WDR72: variants seen among roughly 807,000 people sequenced by gnomAD.
The protein encoded by WDR72 is WD repeat domain 72.
Under a neutral mutation model 124.2 loss-of-function variants are expected in WDR72, and 120 were observed. The ratio of observed to expected loss-of-function variants is 0.97; its 90% CI spans 0.83 to 1.12. The LOEUF is 1.12. Ranked by LOEUF, WDR72 falls within the 50% of genes most tolerant of loss-of-function variation. The probability of loss-of-function intolerance (pLI) is 0.00; values close to 1 mark genes in which losing one functional copy is unlikely to be tolerated. For missense variants in WDR72, 1,387 were observed against 1,278.8 expected (o/e 1.08, Z -1.29); for synonymous variants, 452 against 441.7 (o/e 1.02, Z -0.29).
At chr15:53,600,033 T>C (rs993230557) in intron 17 of WDR72, among the ~76,000 whole-genome samples, 1 of 152,076 alleles carries the variant, frequency 6.6e-6, no homozygotes, top group Non-Finnish European at 1.5e-5. Context: ...GGCATCCAAC[T>C]GGAAAGAAAC....
At chr15:53,664,089 T>C (rs1414652231) in intron 14 of WDR72, among the ~76,000 whole-genome samples, 1 of 152,048 alleles carries the variant, frequency 6.6e-6, no homozygotes, top group African/African-American at 2.4e-5. Flanking sequence ...AATTCAGAAA[T>C]GTTTCCATGC....
chr15:53,545,510 A>G (rs1269074087), intron 18 of WDR72, among the ~76,000 whole-genome samples: 1 of 151,468 alleles, frequency 6.6e-6, no homozygotes. Flanking sequence ...ACAAAAATCA[A>G]TTCAAGATGG....
intron 14 of WDR72, among the ~76,000 whole-genome samples, chr15:53,639,852 C>G (rs1022074037): frequency 6.6e-6 from 1 of 151,994 alleles, no homozygotes; most frequent in Non-Finnish European, 1.5e-5. Context: ...ATCTTGCCTT[C>G]CTTGGAGTTC....
Position 53,615,929 on chromosome 15 carries a change from G to T in WDR72, c.2277C>A (p.Phe759Leu), listed in dbSNP as rs755748924. 1.2e-6 allele frequency: 2 copies of T among 1,613,344 alleles called. No individual in the cohort carries two copies. Among genetic ancestry groups the T allele is most frequent in the Non-Finnish European group, 1.7e-6 (2 of 1,179,640 alleles). The change falls in exon 15 of 20, where the codon TTC becomes TTA. Residue 759 changes from phenylalanine (F) to leucine (L), a missense_variant. Physicochemically the swap from Phe to Leu is conservative, Grantham distance 22. Transcript: ENST00000360509. ...SLAQGDNTIKFSEENDGIKRQ... is the reference protein window; with the variant it reads ...SLAQGDNTIKLSEENDGIKRQ... ...TTTTAATGCCATCATTTTCTTCTGA[G>T]AATTTGATGGTATTATCTCCTTGGG...
At chr15:53,692,952 C>G (rs2016888405) in intron 13 of WDR72, among the ~76,000 whole-genome samples, 1 of 152,136 alleles carries the variant, frequency 6.6e-6, no homozygotes, top group African/African-American at 2.4e-5. Flanking sequence ...AGGGTTCCAT[C>G]TGTAATCTAC....
At chr15:53,564,603 T>C (rs1049103523) in intron 18 of WDR72, among the ~76,000 whole-genome samples, 5 of 151,928 alleles carry the variant, frequency 3.3e-5, no homozygotes. Context: ...CTTCAGGTTC[T>C]GTGTCTAAAT....
intron 14 of WDR72, among the ~76,000 whole-genome samples, chr15:53,643,745 C>A (rs768319379): frequency 7.6e-6 from 1 of 131,022 alleles, no homozygotes; most frequent in Non-Finnish European, 1.5e-5. Context: ...TGTGTGTGTG[C>A]GTGTGTGTGT....
intron 14 of WDR72, among the ~76,000 whole-genome samples, chr15:53,659,702 T>TA (rs10717894): frequency 8.8e-4 from 129 of 145,896 alleles, no homozygotes; most frequent in Admixed American, 2.4e-3. Flanking sequence ...AAGGCAGTTA[T>TA]AAAAAAAAAA....
chr15:53,599,551 T>G (rs529310049), intron 17 of WDR72, among the ~76,000 whole-genome samples: 1 of 152,278 alleles, frequency 6.6e-6, no homozygotes, highest in East Asian at 1.9e-4. Context: ...AAATTGCTCT[T>G]TCTATACTCA....
At chr15:53,685,167 A>G (rs1368978380) in intron 13 of WDR72, among the ~76,000 whole-genome samples, 2 of 148,956 alleles carry the variant, frequency 1.3e-5, no homozygotes, top group Non-Finnish European at 3.0e-5. Flanking sequence ...TCCTCCTCCA[A>G]AGGAACGCAG....
rs371446286 is a variant in WDR72 at position 53,555,267 on chromosome 15, A to T, written c.3149-31945T>A. 4.6e-5 allele frequency among the ~76,000 whole-genome samples: 7 copies of T among 151,908 alleles called. No individual in the cohort carries two copies. The East Asian group carries it at 9.7e-4, about 21-fold the overall frequency. Reference sequence around the variant, plus strand: ...GGAAGGGTAAGGAAACTGTGCACCAACTCAGGAAGTGCACGTGCACTTCAC... The same window carrying T: ...GGAAGGGTAAGGAAACTGTGCACCATCTCAGGAAGTGCACGTGCACTTCAC... On this transcript the variant is annotated intron_variant, in intron 18 of 19. Coordinates refer to ENST00000360509, the MANE Select transcript of WDR72 (RefSeq NM_182758.4).
chr15:53,658,364 G>A lies in WDR72; in HGVS notation c.1962+7208C>T, dbSNP rs1467146536. On this transcript the variant is annotated intron_variant, in intron 14 of 19. Coordinates refer to ENST00000360509, the MANE Select transcript of WDR72 (RefSeq NM_182758.4). ...CTGTGTGTAGTTATTGTAATTAACA[G>A]ATTCAATATCTATTACAGCCAGTCA... Among the ~76,000 whole-genome samples the A allele has an allele frequency of 2.0e-5, 3 of 152,110 alleles. No individual in the cohort carries two copies. In the East Asian group the frequency reaches 5.8e-4, roughly 29 times the overall value.
intron 19 of WDR72, 84 bp from the exon 20 acceptor site, chr15:53,517,838 G>C: frequency 2.7e-5 from 35 of 1,274,724 alleles, no homozygotes; most frequent in Non-Finnish European, 3.4e-5. Context: ...GGGAGGGAGA[G>C]AGGAAATGAA....
At chr15:53,759,399 G>A (rs1235308962) in intron 1 of WDR72, 1 of 151,724 alleles carries the variant, frequency 6.6e-6, no homozygotes, top group African/African-American at 2.4e-5. Flanking sequence ...AGAGTTTGAA[G>A]AGGGACTTTT....
At chr15:53,603,702 A>G (rs2013146583) in intron 17 of WDR72, among the ~76,000 whole-genome samples, 1 of 152,162 alleles carries the variant, frequency 6.6e-6, no homozygotes, top group Non-Finnish European at 1.5e-5. Flanking sequence ...TCAAGCTGAG[A>G]GCTAAATCAC....
intron 1 of WDR72, among the ~76,000 whole-genome samples, chr15:53,741,151 G>A (rs929774277): frequency 2.0e-5 from 3 of 152,102 alleles, no homozygotes; most frequent in African/African-American, 7.2e-5. Context: ...AGTTTCACAG[G>A]ATATAGTTCT....
chr15:53,641,083 T>C (rs1475221420), intron 14 of WDR72, among the ~76,000 whole-genome samples: 2 of 152,058 alleles, frequency 1.3e-5, no homozygotes, highest in African/African-American at 4.8e-5. Flanking sequence ...TATTTTCCTT[T>C]AGTAATTTAT....
At chr15:53,676,527 G>A (rs2016178351) in intron 13 of WDR72, among the ~76,000 whole-genome samples, 1 of 152,324 alleles carries the variant, frequency 6.6e-6, no homozygotes, top group East Asian at 1.9e-4. Context: ...TAAAGGTCAG[G>A]GAGTGGCCTT....
intron 14 of WDR72, among the ~76,000 whole-genome samples, chr15:53,650,588 A>C (rs147022336): frequency 6.6e-5 from 10 of 152,136 alleles, no homozygotes; most frequent in Admixed American, 2.0e-4. Flanking sequence ...CCCCATCTTC[A>C]TATTCTGGGC....
Sources: gnomAD v4.1 joint callset for allele counts (sites outside exome capture counted in the v4.1 genomes callset) on GRCh38, gnomAD v4.1.1 for gene constraint, MANE v1.5 for transcripts, NCBI Gene and HGNC (gene_info 2026-07-23, HGNC 2026-07-21) for gene names.